Variants in DNAH7 observed in about 807,000 individuals in gnomAD.
The protein encoded by DNAH7 is axonemal beta dynein heavy chain 7.
A neutral mutation model predicts 444.6 loss-of-function variants in DNAH7; 397 were observed. The ratio of observed to expected loss-of-function variants is 0.89; its 90% CI spans 0.82 to 0.97. The LOEUF (loss-of-function observed/expected upper bound fraction) is 0.97, where lower values mean the gene tolerates loss of function less well. DNAH7 is among the 50% of genes least tolerant of loss of function. The pLI, the probability that DNAH7 is intolerant of heterozygous loss-of-function variation, is 0.00. For missense variants in DNAH7, 4,902 were observed against 4,800.8 expected (o/e 1.02, Z -0.62); for synonymous variants, 1,636 against 1,624.4 (o/e 1.01, Z -0.17).
Position 195,999,272 on chromosome 2 carries a change from C to A in DNAH7, c.1353+1432G>T, listed in dbSNP as rs998653737. Reference sequence around the variant, plus strand: ...AGAGGAAAAAAACAAAAGATGGTTGCCTTAAGAATTTGTAACCACAAGTCT... The same window carrying A: ...AGAGGAAAAAAACAAAAGATGGTTGACTTAAGAATTTGTAACCACAAGTCT... On this transcript the variant is annotated intron_variant, in intron 12 of 64. Transcript: ENST00000312428. 5.6e-6 allele frequency: 4 copies of A among 709,648 alleles called. No individual in the cohort carries two copies. In the African/African-American group the frequency reaches 7.1e-5, roughly 13 times the overall value. The allele number at this position is 709,648 out of a possible 1,614,324, so 44.0% of individuals were successfully genotyped here. A position where few individuals can be genotyped will look rare whatever the true frequency, so the allele number is the denominator to read the frequency against.
intron 10 of DNAH7, among the ~76,000 whole-genome samples, chr2:196,007,154 TA>T (rs1297682266): frequency 4.6e-5 from 7 of 151,850 alleles, no homozygotes; most frequent in Admixed American, 1.3e-4. Context: ...CTCAGAAAAA[TA>T]AGAACAAAAT....
At chr2:195,958,278 C>G (rs1690834395) in intron 18 of DNAH7, among the ~76,000 whole-genome samples, 1 of 152,124 alleles carries the variant, frequency 6.6e-6, no homozygotes, top group East Asian at 1.9e-4. Context: ...TGAAGATCTT[C>G]ATGATGATCC....
At chr2:195,784,911 C>G (rs1290186647) in intron 58 of DNAH7, among the ~76,000 whole-genome samples, 1 of 132,138 alleles carries the variant, frequency 7.6e-6, no homozygotes, top group Non-Finnish European at 1.6e-5. Context: ...TATCTTTGAC[C>G]CTTTTTTTTT....
At chr2:195,954,836 G>C (rs1374433301) in intron 19 of DNAH7, among the ~76,000 whole-genome samples, 13 of 152,202 alleles carry the variant, frequency 8.5e-5, no homozygotes, top group Non-Finnish European at 1.6e-4. Context: ...CTTTTGAGAA[G>C]TGTCTGTTCA....
intron 5 of DNAH7, among the ~76,000 whole-genome samples, chr2:196,034,056 A>G (rs182661480): frequency 7.9e-5 from 12 of 152,322 alleles, no homozygotes; most frequent in South Asian, 2.1e-4. Flanking sequence ...AAAGGACCTA[A>G]TAAGTGCAAA....
rs571913769 is a variant in DNAH7 at position 195,993,905 on chromosome 2, C to G, written c.1354-5676G>C. 2.6e-5 allele frequency among the ~76,000 whole-genome samples: 4 copies of G among 152,276 alleles called. No homozygotes were observed. In the South Asian group the frequency reaches 8.3e-4, roughly 32 times the overall value. ...GGCCAGACCCCATTCTACAGCCCAT[C>G]TGTCAGCCACAGCAAGCCAATCCGG... On this transcript the variant is annotated intron_variant, in intron 12 of 64. Coordinates refer to ENST00000312428, the MANE Select transcript of DNAH7 (RefSeq NM_018897.3).
intron 19 of DNAH7, among the ~76,000 whole-genome samples, chr2:195,942,592 T>C (rs116096026): frequency 6.6e-6 from 1 of 152,108 alleles, no homozygotes; most frequent in Non-Finnish European, 1.5e-5. Context: ...ACTTCCCATT[T>C]AATGAAATCA....
chr2:195,768,548 C>CTA (rs982671229), intron 61 of DNAH7, among the ~76,000 whole-genome samples: 33 of 151,234 alleles, frequency 2.2e-4, no homozygotes, highest in East Asian at 1.7e-3. Context: ...GTGCATGTAT[C>CTA]TATATATATA....
At chr2:195,934,114 T>C (rs1688886762) in intron 21 of DNAH7, among the ~76,000 whole-genome samples, 1 of 152,170 alleles carries the variant, frequency 6.6e-6, no homozygotes, top group African/African-American at 2.4e-5. Context: ...CACAGTATGT[T>C]TCATGAAATG....
intron 27 of DNAH7, chr2:195,904,984 C>T (rs998754208): frequency 6.6e-6 from 1 of 152,128 alleles, no homozygotes; most frequent in African/African-American, 2.4e-5. Flanking sequence ...ACCAAGAAGG[C>T]TGCACAATAG....
chr2:195,972,604 A>G (rs1261746681), intron 15 of DNAH7, 138 bp from the exon 16 acceptor site: 6 of 612,616 alleles, frequency 9.8e-6, no homozygotes. Context: ...GGACTACAGC[A>G]TAGTTTCCTT....
chr2:195,739,545 T>C (rs1692863621), intron 64 of DNAH7, among the ~76,000 whole-genome samples: 1 of 152,240 alleles, frequency 6.6e-6, no homozygotes, highest in Non-Finnish European at 1.5e-5. Flanking sequence ...ACTGGATAGG[T>C]GCCTAGGAAA....
chr2:195,942,129 A>G (rs1472626566), intron 19 of DNAH7, among the ~76,000 whole-genome samples: 2 of 152,156 alleles, frequency 1.3e-5, no homozygotes, highest in Non-Finnish European at 2.9e-5. Context: ...TAGATGCTAC[A>G]AAACAGAAAG....
At chr2:196,036,175 G>A (rs1002088559) in intron 5 of DNAH7, among the ~76,000 whole-genome samples, 5 of 152,060 alleles carry the variant, frequency 3.3e-5, no homozygotes, top group Non-Finnish European at 7.4e-5. Context: ...GGAACTACAG[G>A]TGCCCGCCAC....
rs1696736940 is a variant in DNAH7, at chr2:195,806,804, T to C, written c.10112A>G (p.Glu3371Gly). 6.2e-7 allele frequency: 1 copy of C among 1,613,474 alleles called. No individual in the cohort carries two copies. Among genetic ancestry groups the C allele is most frequent in the Admixed American group, 1.7e-5 (1 of 59,974 alleles). The change falls in exon 54 of 65, where the codon GAA becomes GGA. Residue 3371 changes from glutamate to glycine, a missense_variant. Glu to Gly is a moderately conservative substitution (Grantham distance 98). Transcript: ENST00000312428. ...AAACTCATTTGCTTTATCTTCCCAT[T>C]CTTCAGGGAAAACCTCATGGTGTGG... Reference protein sequence around the residue: ...LEPHHEVFPEEWEDKANEFQR... With the variant: ...LEPHHEVFPEGWEDKANEFQR...
At chr2:195,761,537 CA>C (rs945622054) in intron 61 of DNAH7, among the ~76,000 whole-genome samples, 27 of 152,094 alleles carry the variant, frequency 1.8e-4, no homozygotes, top group African/African-American at 6.0e-4. Flanking sequence ...AGGCATTTAA[CA>C]ATCAAACTCC....
chr2:195,833,319 T>C (rs1698164865), intron 48 of DNAH7, among the ~76,000 whole-genome samples: 1 of 152,206 alleles, frequency 6.6e-6, no homozygotes, highest in South Asian at 2.1e-4. Context: ...ACTTAGACTG[T>C]CTTCATTTCA....
chr2:196,005,642 A>T (rs573692527), intron 10 of DNAH7, among the ~76,000 whole-genome samples: 30 of 152,232 alleles, frequency 2.0e-4, no homozygotes, highest in Non-Finnish European at 3.1e-4. Flanking sequence ...GAAGACAAAA[A>T]CTACCAAATC....
At chr2:195,767,335 T>C (rs1222647158) in intron 61 of DNAH7, among the ~76,000 whole-genome samples, 2 of 152,086 alleles carry the variant, frequency 1.3e-5, no homozygotes, top group Non-Finnish European at 2.9e-5. Context: ...ACTTGTTTTA[T>C]AGTTTTTATA....
Sources: allele counts gnomAD v4.1 joint callset (sites outside exome capture counted in the v4.1 genomes callset), GRCh38; gene constraint gnomAD v4.1.1; transcripts MANE v1.5; gene names NCBI Gene and HGNC (gene_info 2026-07-23, HGNC 2026-07-21).